The following FMN2 variants were observed in gnomAD, a reference collection of about 807,000 sequenced individuals.
FMN2 encodes the protein formin 2, also known as formin-2.
FMN2 carries 51 observed loss-of-function variants against 142.3 expected under a neutral mutation model. That is an observed-to-expected ratio of 0.36 (90% confidence interval 0.29 to 0.45). The LOEUF (loss-of-function observed/expected upper bound fraction) is 0.45. Among genes scored for constraint, FMN2 ranks in the 20% least tolerant of loss-of-function variants. The pLI, the probability that FMN2 is intolerant of heterozygous loss-of-function variation, is 1.00. For missense variants in FMN2, 1,936 were observed against 2,122.8 expected (o/e 0.91, Z 1.73); for synonymous variants, 882 against 869.8 (o/e 1.01, Z -0.25).
rs182550510 is a variant in FMN2 at position 240,111,925 on chromosome 1, C to T, written c.1616-11254C>T. Among the ~76,000 whole-genome samples, 915 of 152,236 alleles carry T rather than the reference C, an allele frequency of 6.0e-3. 3 individuals are homozygous for T. Among genetic ancestry groups the T allele is most frequent in the South Asian group, 0.032 (153 of 4,826 alleles). Reference sequence around the variant, plus strand: ...TCAAGGTACAGAGTCCACGTGTTTTCAGGGGAAAGGAATAGGCAGAAAATA... The same window carrying T: ...TCAAGGTACAGAGTCCACGTGTTTTTAGGGGAAAGGAATAGGCAGAAAATA... On this transcript the variant is annotated intron_variant, in intron 1 of 17. Coordinates refer to ENST00000319653, the MANE Select transcript of FMN2 (RefSeq NM_020066.5).
intron 7 of FMN2, among the ~76,000 whole-genome samples, chr1:240,282,580 C>T (rs560900081): frequency 2.0e-5 from 3 of 152,232 alleles, no homozygotes; most frequent in South Asian, 2.1e-4. Context: ...TACTCACGAG[C>T]GTGTGTGCAG....
chr1:240,437,640 G>A (rs1238336613), intron 15 of FMN2, among the ~76,000 whole-genome samples: 1 of 152,082 alleles, frequency 6.6e-6, no homozygotes, highest in Non-Finnish European at 1.5e-5. Context: ...ATGTAGGAAG[G>A]CAAATAGTGT....
intron 2 of FMN2, among the ~76,000 whole-genome samples, chr1:240,132,676 G>A (rs1288000706): frequency 6.6e-6 from 1 of 152,146 alleles, no homozygotes; most frequent in Non-Finnish European, 1.5e-5. Context: ...GATGAGGAGG[G>A]GTAGATGCTG....
Position 240,210,986 on chromosome 1 carries a change from C to T in FMN2, c.3921-105C>T, listed in dbSNP as rs540667025. 3.1e-3 allele frequency: 3,034 copies of T among 980,508 alleles called. 36 individuals are homozygous for T. Among genetic ancestry groups the T allele is most frequent in the South Asian group, 0.025 (1,254 of 49,348 alleles). 60.7% of individuals were successfully genotyped at this position (980,508 alleles called of 1,614,324 possible). On this transcript the variant is annotated intron_variant, in intron 5 of 17. Coordinates refer to ENST00000319653, the MANE Select transcript of FMN2 (RefSeq NM_020066.5). ...TTATCTCTCTTCTTTTTCCCTCCTT[C>T]CCTCCTGCTGGCCTTCCTCCCTCCC...
chr1:240,391,316 A>G (rs1388774487), intron 14 of FMN2, among the ~76,000 whole-genome samples: 3 of 152,194 alleles, frequency 2.0e-5, no homozygotes, highest in Non-Finnish European at 4.4e-5. Flanking sequence ...CTTTGAAAGA[A>G]CACTGTCTTG....
chr1:240,451,840 T>C (rs2103210228), intron 16 of FMN2, among the ~76,000 whole-genome samples: 1 of 146,476 alleles, frequency 6.8e-6, no homozygotes, highest in Non-Finnish European at 1.5e-5. Context: ...TATTTTGCTT[T>C]GTTATTTTAG....
intron 15 of FMN2, among the ~76,000 whole-genome samples, chr1:240,393,559 G>A (rs1673678926): frequency 6.6e-6 from 1 of 152,114 alleles, no homozygotes; most frequent in Non-Finnish European, 1.5e-5. Flanking sequence ...TGGCCTCTAA[G>A]TATTCAAGTG....
rs748405938 is a variant in FMN2, at chr1:240,092,711, A to G, written c.602A>G (p.Gln201Arg). 4 of 1,613,754 alleles carry G rather than the reference A, an allele frequency of 2.5e-6. No individual in the cohort carries two copies. In the South Asian group the frequency reaches 3.3e-5, roughly 13 times the overall value. ...GAGGATTTGCTTTCAGACATCCAGC[A>G]GGCGATCCGCCTGCAGCAGCAGCAG... ...EQEDLLSDIQQAIRLQQQQQQ... is the reference protein window; with the variant it reads ...EQEDLLSDIQRAIRLQQQQQQ... The change falls in exon 1 of 18, where the codon CAG (glutamine) becomes CGG (arginine). Residue 201 changes from glutamine to arginine, a missense_variant. Coordinates refer to ENST00000319653, the MANE Select transcript of FMN2 (RefSeq NM_020066.5).
chr1:240,144,817 AGT>A, intron 2 of FMN2: 1 of 1,433,872 alleles, frequency 7.0e-7, no homozygotes, highest in Middle Eastern at 1.8e-4. Context: ...CCTTCACCAG[AGT>A]GAGCAGTGGC....
intron 6 of FMN2, among the ~76,000 whole-genome samples, chr1:240,223,155 T>G (rs1437497407): frequency 1.3e-5 from 2 of 152,210 alleles, no homozygotes; most frequent in Non-Finnish European, 2.9e-5. Flanking sequence ...TTGAGATACA[T>G]TCCATCAATA....
At chr1:240,239,374 A>G (rs1292654857) in intron 6 of FMN2, among the ~76,000 whole-genome samples, 1 of 152,248 alleles carries the variant, frequency 6.6e-6, no homozygotes, top group Non-Finnish European at 1.5e-5. Context: ...TGCCATCAGA[A>G]AGAAGACTAT....
At chr1:240,306,190 C>T (rs1450043294) in intron 8 of FMN2, among the ~76,000 whole-genome samples, 3 of 152,042 alleles carry the variant, frequency 2.0e-5, no homozygotes, top group Non-Finnish European at 2.9e-5. Flanking sequence ...CCTCATGGTC[C>T]ACCCACCTCG....
At chr1:240,160,241 T>C (rs1664224888) in intron 2 of FMN2, among the ~76,000 whole-genome samples, 1 of 150,794 alleles carries the variant, frequency 6.6e-6, no homozygotes, top group Non-Finnish European at 1.5e-5. Flanking sequence ...TAGAACCAGA[T>C]ACAGTCATTA....
chr1:240,188,389 C>A, intron 4 of FMN2, 127 bp downstream of exon 4: 1 of 801,500 alleles, frequency 1.2e-6, no homozygotes, highest in Non-Finnish European at 2.0e-6. Flanking sequence ...CCTAAGCCTG[C>A]AGTGGAATCC....
intron 3 of FMN2, among the ~76,000 whole-genome samples, chr1:240,184,454 G>A (rs1489116352): frequency 6.7e-6 from 1 of 149,702 alleles, no homozygotes; most frequent in East Asian, 2.0e-4. Context: ...CTGACCTTGT[G>A]ATCTGCCCGC....
chr1:240,203,849 C>G (rs933519388), intron 4 of FMN2, among the ~76,000 whole-genome samples: 2 of 152,038 alleles, frequency 1.3e-5, no homozygotes, highest in Non-Finnish European at 2.9e-5. Context: ...ATTTTTTTTC[C>G]CACTATGGGC....
chr1:240,185,332 A>T (rs1009720487), intron 3 of FMN2, among the ~76,000 whole-genome samples: 1 of 151,396 alleles, frequency 6.6e-6, no homozygotes, highest in Non-Finnish European at 1.5e-5. Context: ...CATCTCTTTC[A>T]TGTTAAAATC....
At chr1:240,374,997 T>C (rs1001400173) in intron 14 of FMN2, among the ~76,000 whole-genome samples, 2 of 152,202 alleles carry the variant, frequency 1.3e-5, no homozygotes, top group African/African-American at 4.8e-5. Flanking sequence ...ATTGGCCTAA[T>C]TTCAACATTG....
At chr1:240,228,805 A>G (rs1667438042) in intron 6 of FMN2, among the ~76,000 whole-genome samples, 1 of 151,950 alleles carries the variant, frequency 6.6e-6, no homozygotes, top group African/African-American at 2.4e-5. Context: ...TTTTTTCCCT[A>G]AAAATAAATG....
Sources: allele counts gnomAD v4.1 joint callset (sites outside exome capture counted in the v4.1 genomes callset), GRCh38; gene constraint gnomAD v4.1.1; transcripts MANE v1.5; gene names NCBI Gene and HGNC (gene_info 2026-07-23, HGNC 2026-07-21).